Variants in MPRIP observed in about 807,000 individuals in gnomAD.
MPRIP encodes the protein myosin phosphatase Rho-interacting protein.
In MPRIP, 59 loss-of-function variants were observed where a neutral mutation model predicts 234.9. That is an observed-to-expected ratio of 0.25 (90% CI 0.20 to 0.31). The LOEUF is 0.31. Ranked by LOEUF, MPRIP falls within the 10% of genes least tolerant of loss-of-function variation. The pLI, the probability that MPRIP is intolerant of heterozygous loss-of-function variation, is 1.00. For missense variants in MPRIP, 2,436 were observed against 3,071.0 expected (o/e 0.79, Z 4.89); for synonymous variants, 1,144 against 1,263.9 (o/e 0.91, Z 2.01).
intron 1 of MPRIP, among the ~76,000 whole-genome samples, chr17:17,062,335 T>C (rs2088892128): frequency 6.6e-6 from 1 of 152,178 alleles, no homozygotes; most frequent in Non-Finnish European, 1.5e-5. Flanking sequence ...GTAAGTGCCA[T>C]GTAGTGGCAT....
At chr17:17,050,110 GA>G (rs2088487621) in intron 1 of MPRIP, among the ~76,000 whole-genome samples, 1 of 152,100 alleles carries the variant, frequency 6.6e-6, no homozygotes, top group Non-Finnish European at 1.5e-5. Context: ...GGTGGATCAC[GA>G]GGTCAGGAGA....
In MPRIP at chr17:17,165,615, T is replaced by C; in HGVS notation, c.4024T>C (p.Trp1342Arg). 1 of 1,304,932 alleles carries C rather than the reference T, an allele frequency of 7.7e-7. No homozygotes were observed. Among genetic ancestry groups the C allele is most frequent in the Non-Finnish European group, 1.0e-6 (1 of 989,068 alleles). 80.8% of individuals were successfully genotyped at this position (1,304,932 alleles called of 1,614,324 possible). A position where few individuals can be genotyped will look rare whatever the true frequency, so the allele number is the denominator to read the frequency against. ...YIHPEGSEKT[W>R]TSSTSSDTSQ... Reference sequence around the variant, plus strand: ...TCACCCCGAAGGGTCTGAGAAGACCTGGACCAGCAGCACATCTTCCGACAC... The same window carrying C: ...TCACCCCGAAGGGTCTGAGAAGACCCGGACCAGCAGCACATCTTCCGACAC... The change falls in exon 16 of 24, where the codon TGG (tryptophan) becomes CGG (arginine). Residue 1342 changes from tryptophan (W) to arginine (R), a missense_variant. Trp to Arg is a moderately radical substitution (Grantham distance 101). This residue lies in a region of MPRIP where 1,998 missense variants were observed against 2,520.3 expected (regional missense o/e 0.79). Transcript: ENST00000651222.
At chr17:17,123,718 AAAAAAAG>A (rs2090437825) in intron 3 of MPRIP, among the ~76,000 whole-genome samples, 1 of 151,524 alleles carries the variant, frequency 6.6e-6, no homozygotes, top group African/African-American at 2.4e-5. Flanking sequence ...AAAAAAAAAA[AAAAAAAG>A]AAAGAAAAAA....
intron 1 of MPRIP, among the ~76,000 whole-genome samples, chr17:17,068,409 C>A (rs2089107416): frequency 6.6e-6 from 1 of 151,818 alleles, no homozygotes; most frequent in Non-Finnish European, 1.5e-5. Context: ...CTCGGCCTCC[C>A]AAAGTGCTGG....
intron 1 of MPRIP, among the ~76,000 whole-genome samples, chr17:17,052,697 C>T (rs1040376915): frequency 3.3e-5 from 5 of 152,206 alleles, no homozygotes; most frequent in African/African-American, 4.8e-5. Context: ...TGCAGGGCAT[C>T]GCCCAGATCT....
At position 17,142,508 on chromosome 17, in the gene MPRIP, T is replaced by G; in HGVS notation, c.1251-119T>G. The G allele has an allele frequency of 3.3e-6, 4 of 1,209,454 alleles. No homozygotes were observed. In the South Asian group the frequency reaches 5.7e-5, roughly 17 times the overall value. 74.9% of individuals were successfully genotyped at this position (1,209,454 alleles called of 1,614,324 possible). A position where few individuals can be genotyped will look rare whatever the true frequency, so the allele number is the denominator to read the frequency against. On this transcript the variant is annotated intron_variant, in intron 7 of 23. Transcript: ENST00000651222. ...TGAGCACGTGTCTAGACAACCTCGG[T>G]GCTGTGCAAGCCTGAGGGGAATCAG...
chr17:17,095,041 A>G (rs1382491574), intron 3 of MPRIP, among the ~76,000 whole-genome samples: 1 of 152,166 alleles, frequency 6.6e-6, no homozygotes, highest in African/African-American at 2.4e-5. Context: ...CTGAGATCAC[A>G]TTAACCTTGC....
intron 1 of MPRIP, among the ~76,000 whole-genome samples, chr17:17,072,246 G>A (rs909157843): frequency 5.9e-5 from 9 of 152,178 alleles, no homozygotes; most frequent in Admixed American, 1.3e-4. Context: ...CCTTTCCCAC[G>A]CCTTGGGGAT....
At chr17:17,120,981 C>T (rs1377358865) in intron 3 of MPRIP, among the ~76,000 whole-genome samples, 1 of 152,150 alleles carries the variant, frequency 6.6e-6, no homozygotes, top group Non-Finnish European at 1.5e-5. Flanking sequence ...TCCCTGGAGC[C>T]ATTGGTTGAG....
intron 3 of MPRIP, among the ~76,000 whole-genome samples, chr17:17,119,263 G>C (rs2090343515): frequency 6.6e-6 from 1 of 152,246 alleles, no homozygotes; most frequent in Non-Finnish European, 1.5e-5. Flanking sequence ...GGAGGAGGGA[G>C]GTGGTGTTCC....
At position 17,164,938 on chromosome 17, in the gene MPRIP, A is replaced by C. The variant is rs900422825; in HGVS notation, c.3347A>C (p.Glu1116Ala). The change falls in exon 16 of 24, where the codon GAG becomes GCG. Residue 1116 changes from glutamate to alanine, a missense_variant. Coordinates refer to ENST00000651222, the MANE Select transcript of MPRIP (RefSeq NM_001364716.4). ...ERDLLRQRFQ[E>A]LTERVATSDE... ...GACCTCCTCAGACAGCGGTTCCAGG[A>C]GCTGACAGAGCGCGTGGCCACGTCC... The C allele has an allele frequency of 1.5e-5, 20 of 1,303,816 alleles. No homozygotes were observed. The Admixed American group carries it at 3.7e-4, about 24-fold the overall frequency. 80.8% of individuals were successfully genotyped at this position (1,303,816 alleles called of 1,614,324 possible).
intron 1 of MPRIP, among the ~76,000 whole-genome samples, chr17:17,052,263 C>A (rs575634454): frequency 4.9e-4 from 75 of 152,340 alleles, no homozygotes; most frequent in African/African-American, 1.7e-3. Flanking sequence ...GGCCACTTTG[C>A]TTTGTAAACT....
intron 10 of MPRIP, among the ~76,000 whole-genome samples, chr17:17,146,778 C>T (rs2045475540): frequency 6.6e-6 from 1 of 152,272 alleles, no homozygotes; most frequent in Admixed American, 6.5e-5. Flanking sequence ...CCAAGACATC[C>T]TCTTTATTTC....
In MPRIP at chr17:17,106,473, C is replaced by A. The variant is rs142540026; in HGVS notation, c.268-20229C>A. Among the ~76,000 whole-genome samples, 132 of 152,344 alleles carry A rather than the reference C, an allele frequency of 8.7e-4. 1 individual carries two copies. Among genetic ancestry groups the A allele is most frequent in the African/African-American group, 3.0e-3 (125 of 41,588 alleles). On this transcript the variant is annotated intron_variant, in intron 3 of 23. Coordinates refer to ENST00000651222, the MANE Select transcript of MPRIP (RefSeq NM_001364716.4). ...TCAGAGAGAGGGCAGCAAGAGCGCT[C>A]TGGAGCCTGCCCTCCACAGAGCTTG...
chr17:17,109,304 G>A (rs1249928250), intron 3 of MPRIP, among the ~76,000 whole-genome samples: 2 of 152,238 alleles, frequency 1.3e-5, no homozygotes, highest in East Asian at 3.8e-4. Flanking sequence ...AGTGGAGTCT[G>A]CAAGCCAAGA....
chr17:17,098,218 C>G (rs1220121307), intron 3 of MPRIP, among the ~76,000 whole-genome samples: 1 of 152,190 alleles, frequency 6.6e-6, no homozygotes, highest in Non-Finnish European at 1.5e-5. Flanking sequence ...GGGAGCTCAG[C>G]GCTCAGCCTC....
chr17:17,110,375 C>T (rs961575984), intron 3 of MPRIP, among the ~76,000 whole-genome samples: 1 of 152,086 alleles, frequency 6.6e-6, no homozygotes, highest in African/African-American at 2.4e-5. Flanking sequence ...CAGACTAAGA[C>T]AAGATATAAA....
At chr17:17,104,536 A>G (rs2090026152) in intron 3 of MPRIP, among the ~76,000 whole-genome samples, 1 of 152,070 alleles carries the variant, frequency 6.6e-6, no homozygotes, top group Non-Finnish European at 1.5e-5. Flanking sequence ...GGCTGTGTTC[A>G]AGCCTGGTGG....
intron 3 of MPRIP, among the ~76,000 whole-genome samples, chr17:17,088,288 G>T (rs1253700564): frequency 6.6e-6 from 1 of 152,258 alleles, no homozygotes; most frequent in Non-Finnish European, 1.5e-5. Context: ...TATCTTCAGA[G>T]CTGTGGGTGG....
Sources: gnomAD v4.1 joint callset for allele counts (sites outside exome capture counted in the v4.1 genomes callset) on GRCh38, gnomAD v4.1.1 for gene constraint, gnomAD v4.1.1 regional missense constraint, MANE v1.5 for transcripts, NCBI Gene and HGNC (gene_info 2026-07-23, HGNC 2026-07-21) for gene names.